AK5: variants seen among roughly 807,000 people sequenced by gnomAD.
AK5 encodes the protein adenylate kinase isoenzyme 5.
Under a neutral mutation model 69.5 loss-of-function variants are expected in AK5, and 27 were observed. That is an observed-to-expected ratio of 0.39 (90% CI 0.29 to 0.54). The LOEUF is 0.54. AK5 is among the 20% of genes least tolerant of loss of function. The probability of loss-of-function intolerance (pLI) is 0.71; values close to 1 mark genes in which losing one functional copy is unlikely to be tolerated. For synonymous variants in AK5, 260 were observed against 244.4 expected, an observed-to-expected ratio of 1.06 and a Z score of -0.60; for missense variants, 531 against 700.4, an observed-to-expected ratio of 0.76 and a Z score of 2.73.
intron 5 of AK5, among the ~76,000 whole-genome samples, chr1:77,308,581 T>A (rs1659774461): frequency 6.6e-6 from 1 of 152,182 alleles, no homozygotes; most frequent in Admixed American, 6.5e-5. Flanking sequence ...AGCCAAGATT[T>A]CACTAGATAG....
intron 6 of AK5, among the ~76,000 whole-genome samples, chr1:77,408,405 GT>G (rs1191093535): frequency 6.6e-6 from 1 of 152,132 alleles, no homozygotes; most frequent in East Asian, 1.9e-4. Context: ...ATTTTTTCAT[GT>G]TTTTTGGCCA....
intron 5 of AK5, among the ~76,000 whole-genome samples, chr1:77,311,172 G>T (rs1326798585): frequency 4.6e-5 from 7 of 151,904 alleles, no homozygotes; most frequent in Non-Finnish European, 1.0e-4. Context: ...CCACCTTCAG[G>T]ACCCTCACAC....
chr1:77,352,076 C>G (rs1662241442), intron 6 of AK5, among the ~76,000 whole-genome samples: 1 of 151,940 alleles, frequency 6.6e-6, no homozygotes, highest in South Asian at 2.1e-4. Flanking sequence ...ATTACAGGTG[C>G]CTGCCACCAT....
chr1:77,525,312 A>G (rs959779646), intron 12 of AK5, among the ~76,000 whole-genome samples: 1 of 152,260 alleles, frequency 6.6e-6, no homozygotes, highest in African/African-American at 2.4e-5. Context: ...TTTCTCCTAC[A>G]GAATGATCTT....
chr1:77,473,716 G>T (rs1026276285), intron 8 of AK5, among the ~76,000 whole-genome samples: 3 of 152,064 alleles, frequency 2.0e-5, no homozygotes, highest in Non-Finnish European at 4.4e-5. Flanking sequence ...AGTCATTTGG[G>T]TGCAAAAAGA....
intron 6 of AK5, among the ~76,000 whole-genome samples, chr1:77,397,106 A>G (rs1046237176): frequency 2.0e-5 from 3 of 152,220 alleles, no homozygotes; most frequent in African/African-American, 7.2e-5. Flanking sequence ...TCCCCTTCTC[A>G]GAATAATCCC....
chr1:77,455,540 CA>C (rs1653426372), intron 8 of AK5, among the ~76,000 whole-genome samples: 1 of 152,034 alleles, frequency 6.6e-6, no homozygotes, highest in Non-Finnish European at 1.5e-5. Flanking sequence ...CATCTATGAA[CA>C]AAAAAACAGG....
intron 12 of AK5, among the ~76,000 whole-genome samples, chr1:77,530,439 C>A (rs1002677049): frequency 1.3e-5 from 2 of 152,200 alleles, no homozygotes; most frequent in Admixed American, 6.5e-5. Context: ...TTCTTTTCAG[C>A]CAGGGCCCTT....
chr1:77,287,726 A>T (rs1328400321), intron 2 of AK5, among the ~76,000 whole-genome samples: 1 of 152,250 alleles, frequency 6.6e-6, no homozygotes, highest in Non-Finnish European at 1.5e-5. Flanking sequence ...GTGGAAGAAG[A>T]TTTATAGACA....
intron 8 of AK5, among the ~76,000 whole-genome samples, chr1:77,446,887 A>G (rs1652786755): frequency 6.6e-6 from 1 of 152,234 alleles, no homozygotes; most frequent in Admixed American, 6.5e-5. Flanking sequence ...TAGCTGACAC[A>G]CTGAGTCCTG....
At chr1:77,332,305 C>T (rs1164909057) in intron 5 of AK5, among the ~76,000 whole-genome samples, 4 of 151,734 alleles carry the variant, frequency 2.6e-5, no homozygotes, top group Non-Finnish European at 5.9e-5. Flanking sequence ...AAACCAACCC[C>T]TTAGCTATAA....
At chr1:77,547,598 CA>C (rs1659609751) in intron 13 of AK5, among the ~76,000 whole-genome samples, 1 of 152,080 alleles carries the variant, frequency 6.6e-6, no homozygotes, top group African/African-American at 2.4e-5. Context: ...AATATTTTTA[CA>C]TTTTTTTTAT....
intron 7 of AK5, among the ~76,000 whole-genome samples, chr1:77,413,926 C>G (rs1650221458): frequency 6.6e-6 from 1 of 152,176 alleles, no homozygotes; most frequent in East Asian, 1.9e-4. Flanking sequence ...AGTTCTAGTC[C>G]CAAATACCGT....
chr1:77,513,361 A>T (rs1162325388), intron 10 of AK5, among the ~76,000 whole-genome samples: 8 of 151,950 alleles, frequency 5.3e-5, no homozygotes, highest in Admixed American at 5.2e-4. Flanking sequence ...CATCCTCCCC[A>T]CTAGATTGTG....
At chr1:77,295,814 A>G (rs1038064412) in intron 3 of AK5, among the ~76,000 whole-genome samples, 1 of 152,180 alleles carries the variant, frequency 6.6e-6, no homozygotes, top group African/African-American at 2.4e-5. Flanking sequence ...TTTTGTGTGT[A>G]CTATGAATTT....
At chr1:77,368,249 A>ATGT (rs1402784386) in intron 6 of AK5, among the ~76,000 whole-genome samples, 1 of 88,060 alleles carries the variant, frequency 1.1e-5, no homozygotes, top group African/African-American at 3.6e-5. Flanking sequence ...ATATATATAT[A>ATGT]TATAATATAT....
chr1:77,368,246 T>TATG (rs1647045277), intron 6 of AK5, among the ~76,000 whole-genome samples: 1 of 4,838 alleles, frequency 2.1e-4, no homozygotes, highest in Admixed American at 5.5e-3. Context: ...TATATATATA[T>TATG]ATATATAATA....
At chr1:77,384,842 C>T (rs1385613741) in intron 6 of AK5, among the ~76,000 whole-genome samples, 1 of 152,144 alleles carries the variant, frequency 6.6e-6, no homozygotes, top group African/African-American at 2.4e-5. Flanking sequence ...GACACTACTA[C>T]TACTACAAGT....
At chr1:77,353,724 G>C (rs886395551) in intron 6 of AK5, among the ~76,000 whole-genome samples, 1 of 152,140 alleles carries the variant, frequency 6.6e-6, no homozygotes, top group Non-Finnish European at 1.5e-5. Context: ...TCCCTTGTCT[G>C]TGTTTTTGCC....
Sources: gnomAD v4.1 joint callset for allele counts (sites outside exome capture counted in the v4.1 genomes callset) on GRCh38, gnomAD v4.1.1 for gene constraint, MANE v1.5 for transcripts, NCBI Gene and HGNC (gene_info 2026-07-23, HGNC 2026-07-21) for gene names.